Variants in PGR observed in about 807,000 individuals in gnomAD.
PGR encodes the protein progesterone receptor.
PGR carries 25 observed loss-of-function variants against 76.1 expected under a neutral mutation model. The ratio of observed to expected loss-of-function variants is 0.33; its 90% CI spans 0.24 to 0.46. PGR has a LOEUF of 0.46. Among genes scored for constraint, PGR ranks in the 20% least tolerant of loss-of-function variants. PGR has a pLI of 1.00. For synonymous variants in PGR, 579 were observed against 535.0 expected (o/e 1.08, Z -1.14); for missense variants, 1,172 against 1,225.3 (o/e 0.96, Z 0.65).
chr11:101,071,726 C>T (rs534828812), intron 3 of PGR, among the ~76,000 whole-genome samples: 1 of 151,712 alleles, frequency 6.6e-6, no homozygotes, highest in Admixed American at 6.6e-5. Flanking sequence ...GAAAGGATAT[C>T]AGAGATTGAA....
Position 101,034,570 on chromosome 11 carries a change from T to C in PGR, c.*4546A>G, listed in dbSNP as rs1859449439. 5.7e-6 allele frequency: 1 copy of C among 174,264 alleles called. No homozygotes were observed. The highest frequency in any genetic ancestry group is 6.4e-5 in the Admixed American group (1 of 15,746). The allele number at this position is 174,264 out of a possible 1,614,324, so 10.8% of individuals were successfully genotyped here. On this transcript the variant is annotated 3_prime_UTR_variant, in exon 8 of 8. Coordinates refer to ENST00000325455, the MANE Select transcript of PGR (RefSeq NM_000926.4). ...GACAAATTATTGAAGAAAACTGTTC[T>C]TTCCTGCTTCTTTTCAGCTTTTAAG...
At chr11:101,122,010 C>T (rs1203992603) in intron 2 of PGR, among the ~76,000 whole-genome samples, 1 of 151,890 alleles carries the variant, frequency 6.6e-6, no homozygotes, top group Admixed American at 6.6e-5. Flanking sequence ...AAAAAATTAG[C>T]CAGGCGTGGT....
intron 4 of PGR, among the ~76,000 whole-genome samples, chr11:101,055,408 C>CCAT (rs1860252248): frequency 1.2e-5 from 1 of 86,444 alleles, no homozygotes; most frequent in Admixed American, 2.0e-4. Context: ...CAGCGAGACT[C>CCAT]CATCTCAAAA....
intron 3 of PGR, among the ~76,000 whole-genome samples, chr11:101,085,897 G>C (rs1376046657): frequency 6.6e-6 from 1 of 151,934 alleles, no homozygotes; most frequent in African/African-American, 2.4e-5. Flanking sequence ...GTTTAAATCA[G>C]GAAAAAACTA....
intron 3 of PGR, among the ~76,000 whole-genome samples, chr11:101,078,908 A>T (rs1265776350): frequency 6.6e-6 from 1 of 152,186 alleles, no homozygotes; most frequent in African/African-American, 2.4e-5. Flanking sequence ...TAACCATAAC[A>T]GCATGATATT....
rs1310894690 is a variant in PGR at position 101,038,582 on chromosome 11, C to G, written c.*534G>C. ...CAATCTATTTTAGTGGTTTTAAACTCTTTCTACATTTTTTGCATTAAAAAT... is the reference window on the plus strand; with the variant it reads ...CAATCTATTTTAGTGGTTTTAAACTGTTTCTACATTTTTTGCATTAAAAAT... On this transcript the variant is annotated 3_prime_UTR_variant, in exon 8 of 8. Coordinates refer to ENST00000325455, the MANE Select transcript of PGR (RefSeq NM_000926.4). The G allele has an allele frequency of 4.3e-6, 1 of 230,286 alleles. No individual in the cohort carries two copies. Among genetic ancestry groups the G allele is most frequent in the African/African-American group, 2.2e-5 (1 of 45,244 alleles). 14.3% of individuals were successfully genotyped at this position (230,286 alleles called of 1,614,324 possible). A position where few individuals can be genotyped will look rare whatever the true frequency, so the allele number is the denominator to read the frequency against.
Position 101,034,115 on chromosome 11 carries a change from CT to C in PGR, c.*5000del, listed in dbSNP as rs1859435038. 1.7e-5 allele frequency: 4 copies of C among 230,442 alleles called. No homozygotes were observed. The highest frequency in any genetic ancestry group is 8.8e-5 in the African/African-American group (4 of 45,210). 14.3% of individuals were successfully genotyped at this position (230,442 alleles called of 1,614,324 possible). A position where few individuals can be genotyped will look rare whatever the true frequency, so the allele number is the denominator to read the frequency against. On this transcript the variant is annotated 3_prime_UTR_variant, in exon 8 of 8. Transcript: ENST00000325455. ...CCTGATTCACATTTCTCTAAAAATG[CT>C]TTATCGGTTAAAGCTTTCAACCAGC...
At chr11:101,059,857 A>AAAAAAAAAAAAAAAAG (rs1565337564) in intron 4 of PGR, among the ~76,000 whole-genome samples, 9 of 138,708 alleles carry the variant, frequency 6.5e-5, no homozygotes, top group South Asian at 2.2e-4. Context: ...AAAAAAAAAA[A>AAAAAAAAAAAAAAAAG]AAAAGAAAAA....
At chr11:101,057,938 T>C (rs994451025) in intron 4 of PGR, among the ~76,000 whole-genome samples, 4 of 152,180 alleles carry the variant, frequency 2.6e-5, no homozygotes, top group African/African-American at 9.6e-5. Flanking sequence ...ATAGTGGTAG[T>C]TGAAGACAAG....
chr11:101,071,139 T>C (rs887741960), intron 3 of PGR, among the ~76,000 whole-genome samples: 7 of 152,086 alleles, frequency 4.6e-5, no homozygotes, highest in African/African-American at 7.2e-5. Context: ...CAGGCAGCAA[T>C]CTTTGCTGTA....
intron 6 of PGR, among the ~76,000 whole-genome samples, chr11:101,045,000 C>G (rs1859819213): frequency 6.6e-6 from 1 of 152,064 alleles, no homozygotes; most frequent in East Asian, 1.9e-4. Context: ...AGCCACCATG[C>G]CCAGCCTTGG....
intron 6 of PGR, among the ~76,000 whole-genome samples, chr11:101,046,710 G>C (rs939298993): frequency 6.6e-6 from 1 of 151,750 alleles, no homozygotes; most frequent in Non-Finnish European, 1.5e-5. Flanking sequence ...TGTTATTCAA[G>C]GATATAATTT....
intron 3 of PGR, among the ~76,000 whole-genome samples, chr11:101,091,041 G>A (rs913647055): frequency 6.6e-6 from 1 of 152,090 alleles, no homozygotes; most frequent in African/African-American, 2.4e-5. Context: ...TAAAAGCTAC[G>A]ATTCCCAGAC....
intron 3 of PGR, among the ~76,000 whole-genome samples, chr11:101,066,585 G>GC (rs1860725551): frequency 6.6e-6 from 1 of 152,064 alleles, no homozygotes; most frequent in Non-Finnish European, 1.5e-5. Flanking sequence ...ACTCAACTAT[G>GC]CAACTGTATT....
intron 2 of PGR, among the ~76,000 whole-genome samples, chr11:101,119,644 G>A (rs1862613954): frequency 6.6e-6 from 1 of 152,152 alleles, no homozygotes; most frequent in South Asian, 2.1e-4. Context: ...AAGGTTGGCT[G>A]AGAATCCTTT....
Position 101,038,245 on chromosome 11 carries a change from T to C in PGR, c.*871A>G. 1 of 195,992 alleles carries C rather than the reference T, an allele frequency of 5.1e-6. No individual in the cohort carries two copies. Among genetic ancestry groups the C allele is most frequent in the Non-Finnish European group, 1.1e-5 (1 of 94,322 alleles). 12.1% of individuals were successfully genotyped at this position (195,992 alleles called of 1,614,324 possible). On this transcript the variant is annotated 3_prime_UTR_variant, in exon 8 of 8. Transcript: ENST00000325455. The stretch of plus-strand genomic sequence containing the variant: ...AATAAGCTCTGACCCAAAGGAGCAA[T>C]TGGCAGGAAAGATATTTTACTACTT...
intron 2 of PGR, among the ~76,000 whole-genome samples, chr11:101,099,907 G>C (rs1408024391): frequency 6.6e-6 from 1 of 152,184 alleles, no homozygotes; most frequent in Admixed American, 6.5e-5. Flanking sequence ...AGCTGTCATT[G>C]GGTGAGTGTA....
At chr11:101,076,598 A>T (rs1467277370) in intron 3 of PGR, among the ~76,000 whole-genome samples, 1 of 152,100 alleles carries the variant, frequency 6.6e-6, no homozygotes, top group Non-Finnish European at 1.5e-5. Context: ...TTCTTGATGT[A>T]TATGTGACTG....
chr11:101,118,818 G>A (rs1436167925), intron 2 of PGR, among the ~76,000 whole-genome samples: 1 of 152,186 alleles, frequency 6.6e-6, no homozygotes, highest in Non-Finnish European at 1.5e-5. Flanking sequence ...GAAGGATATT[G>A]TGTTCATCGG....
Sources: gnomAD v4.1 joint callset for allele counts (sites outside exome capture counted in the v4.1 genomes callset) on GRCh38, gnomAD v4.1.1 for gene constraint, MANE v1.5 for transcripts, NCBI Gene and HGNC (gene_info 2026-07-23, HGNC 2026-07-21) for gene names.